Variants in PLCE1 observed in about 807,000 individuals in gnomAD.
The protein encoded by PLCE1 is 1-phosphatidylinositol 4,5-bisphosphate phosphodiesterase epsilon-1.
PLCE1 carries 119 observed loss-of-function variants against 242.8 expected under a neutral mutation model. The ratio of observed to expected loss-of-function variants is 0.49; its 90% CI spans 0.42 to 0.57. The LOEUF is 0.57. PLCE1 is among the 20% of genes least tolerant of loss of function. The pLI is 0.00. For missense variants in PLCE1, 2,441 were observed against 2,788.8 expected (o/e 0.88, Z 2.81); for synonymous variants, 945 against 1,017.4 (o/e 0.93, Z 1.35).
intron 2 of PLCE1, among the ~76,000 whole-genome samples, chr10:94,086,166 T>G (rs529887053): frequency 3.3e-4 from 51 of 152,274 alleles, no homozygotes; most frequent in African/African-American, 1.1e-3. Context: ...GCTTTGTCTT[T>G]TGGAATCTCT....
intron 1 of PLCE1, among the ~76,000 whole-genome samples, chr10:94,017,050 G>C (rs149622281): frequency 6.6e-6 from 1 of 152,152 alleles, no homozygotes. Flanking sequence ...CAGGTCCTGG[G>C]ATTTGCTCCA....
intron 20 of PLCE1, 36 bp downstream of exon 20, chr10:94,279,947 A>T (rs1469388956): frequency 6.2e-7 from 1 of 1,609,738 alleles, no homozygotes. Context: ...TGCACAGGAA[A>T]ATTCTTGGAT....
intron 1 of PLCE1, among the ~76,000 whole-genome samples, chr10:94,003,852 T>TA (rs1362631136): frequency 6.6e-6 from 1 of 151,958 alleles, no homozygotes; most frequent in East Asian, 1.9e-4. Flanking sequence ...AAATGCCTTT[T>TA]AAAAAAAATT....
At chr10:94,240,801 T>C (rs1268288675) in intron 7 of PLCE1, among the ~76,000 whole-genome samples, 1 of 152,198 alleles carries the variant, frequency 6.6e-6, no homozygotes, top group African/African-American at 2.4e-5. Flanking sequence ...AAAACCTTTC[T>C]TCTATTTTTA....
At chr10:94,255,686 A>G (rs1324214723) in intron 11 of PLCE1, among the ~76,000 whole-genome samples, 1 of 152,182 alleles carries the variant, frequency 6.6e-6, no homozygotes, top group Non-Finnish European at 1.5e-5. Flanking sequence ...TGGATAAATT[A>G]CTTTATAAGT....
chr10:94,202,204 A>G (rs868206155), intron 4 of PLCE1, among the ~76,000 whole-genome samples: 18 of 152,200 alleles, frequency 1.2e-4, no homozygotes, highest in African/African-American at 4.3e-4. Context: ...AAATGTCTGG[A>G]CTATCTAGCT....
chr10:94,207,617 C>G (rs973339522), intron 4 of PLCE1, among the ~76,000 whole-genome samples: 1 of 150,776 alleles, frequency 6.6e-6, no homozygotes, highest in African/African-American at 2.4e-5. Flanking sequence ...ACTCCAGAGG[C>G]AATGAGCACA....
chr10:94,199,995 T>A (rs901925173), intron 4 of PLCE1, among the ~76,000 whole-genome samples: 2 of 152,160 alleles, frequency 1.3e-5, no homozygotes, highest in African/African-American at 4.8e-5. Flanking sequence ...TTTTTCCATG[T>A]TAGAAACAAA....
intron 2 of PLCE1, among the ~76,000 whole-genome samples, chr10:94,101,351 C>A (rs770848960): frequency 3.3e-5 from 5 of 152,074 alleles, no homozygotes; most frequent in Non-Finnish European, 5.9e-5. Flanking sequence ...TAAAGTAATA[C>A]TGAAAACAGA....
chr10:94,259,084 G>A lies in PLCE1; in HGVS notation c.3748G>A (p.Glu1250Lys), dbSNP rs775639600. Residue 1250 changes from glutamate to lysine, a missense_variant, in exon 13 of 33, where the codon GAG (glutamate) becomes AAG (lysine). Around this residue, in one of 5 missense-constraint regions of PLCE1, gnomAD observed 1,004 missense variants for 1,322.7 expected, o/e 0.76. Coordinates refer to ENST00000371380, the MANE Select transcript of PLCE1 (RefSeq NM_016341.4). Reference protein sequence around the residue: ...YAVPCNRSGSESAPLYTNLTI... With the variant: ...YAVPCNRSGSKSAPLYTNLTI... ...AGTGCCCTGCAACCGATCTGGCTCC[G>A]AGTCAGCCCCACTCTACACCAACCT... The A allele has an allele frequency of 6.2e-6, 10 of 1,613,886 alleles. No homozygotes were observed. Among genetic ancestry groups the A allele is most frequent in the African/African-American group, 1.3e-5 (1 of 74,882 alleles).
chr10:94,205,693 C>A (rs2049135498), intron 4 of PLCE1, among the ~76,000 whole-genome samples: 4 of 152,186 alleles, frequency 2.6e-5, no homozygotes, highest in Admixed American at 2.6e-4. Context: ...ATGAGCAGCC[C>A]CAAAATGCAT....
intron 5 of PLCE1, 25 bp from the exon 6 acceptor site, chr10:94,234,029 G>T: frequency 1.2e-6 from 2 of 1,601,736 alleles, no homozygotes; most frequent in East Asian, 4.5e-5. Flanking sequence ...CCTTCAGTCT[G>T]AAAAATGTCA....
chr10:94,298,730 G>C lies in PLCE1; in HGVS notation c.5458+61G>C. 2 of 1,577,094 alleles carry C rather than the reference G, an allele frequency of 1.3e-6. No homozygotes were observed. Among genetic ancestry groups the C allele is most frequent in the East Asian group, 2.2e-5 (1 of 44,752 alleles). ...TCTTACATTTCAGTAAATGCAGTTT[G>C]ACAGCATTTTTTCAAAGGGGCAAGA... is the stretch of plus-strand genomic sequence containing the variant. On this transcript the variant is annotated intron_variant, in intron 24 of 32. Coordinates refer to ENST00000371380, the MANE Select transcript of PLCE1 (RefSeq NM_016341.4). This position sits in a 1 kb window ranked among gnomAD's most constrained non-coding sequence, Gnocchi z 5.2.
chr10:94,152,839 T>A lies in PLCE1; in HGVS notation c.1493-18341T>A, dbSNP rs575236113. Among the ~76,000 whole-genome samples the A allele has an allele frequency of 4.6e-5, 7 of 152,328 alleles. No homozygotes were observed. The South Asian group carries it at 1.0e-3, about 23-fold the overall frequency. ...TATGTGTTTTTCTCATTAACTTAAG[T>A]GACTTTGCCTACCCAAAGTCTGGTA... On this transcript the variant is annotated intron_variant, in intron 3 of 32. Transcript: ENST00000371380.
intron 2 of PLCE1, among the ~76,000 whole-genome samples, chr10:94,048,848 G>A (rs1291909926): frequency 6.6e-6 from 1 of 151,396 alleles, no homozygotes; most frequent in African/African-American, 2.4e-5. Flanking sequence ...GCTCGCTACA[G>A]TATCAAACTT....
At chr10:94,092,195 G>T (rs1354388683) in intron 2 of PLCE1, among the ~76,000 whole-genome samples, 3 of 152,066 alleles carry the variant, frequency 2.0e-5, no homozygotes, top group Non-Finnish European at 4.4e-5. Flanking sequence ...TTTAAAAAAG[G>T]TTAACTGCCA....
Position 94,298,484 on chromosome 10 carries a change from C to T in PLCE1, c.5273C>T (p.Ser1758Leu). ...IIRTPKCYHI[S>L]SLNENAAKRL... ...AGAACTCCCAAATGTTATCATATCT[C>T]GTCGCTGAATGAAAATGCCGCCAAA... The change falls in exon 24 of 33, where the codon TCG (serine) becomes TTG (leucine). Residue 1758 changes from serine (S) to leucine (L), a missense_variant. Ser to Leu is a moderately radical substitution (Grantham distance 145). Transcript: ENST00000371380. The surrounding 1 kb of genome is among the most constrained non-coding windows in gnomAD (Gnocchi z 5.2). 2.5e-6 allele frequency: 4 copies of T among 1,614,060 alleles called. No individual in the cohort carries two copies. The highest frequency in any genetic ancestry group is 1.6e-4 in the Middle Eastern group (1 of 6,062).
chr10:94,301,899 T>G (rs538472473), intron 24 of PLCE1, among the ~76,000 whole-genome samples: 1 of 145,816 alleles, frequency 6.9e-6, no homozygotes, highest in South Asian at 2.2e-4. Context: ...CTTTTTTGAA[T>G]GACAGACTTC....
intron 26 of PLCE1, among the ~76,000 whole-genome samples, chr10:94,308,337 G>A (rs1015197569): frequency 2.6e-5 from 4 of 152,186 alleles, no homozygotes; most frequent in African/African-American, 4.8e-5. Context: ...ACTAGATCAG[G>A]TTTTGTCTGA....
Sources: allele counts gnomAD v4.1 joint callset (sites outside exome capture counted in the v4.1 genomes callset), GRCh38; gene constraint gnomAD v4.1.1; regional missense constraint gnomAD v4.1.1; non-coding constraint Gnocchi (gnomAD v3.1); transcripts MANE v1.5; gene names NCBI Gene and HGNC (gene_info 2026-07-23, HGNC 2026-07-21).